The following PIBF1 variants were observed in gnomAD, a reference collection of about 807,000 sequenced individuals.
The protein encoded by PIBF1 is progesterone-induced-blocking factor 1.
In PIBF1, 90 loss-of-function variants were observed where a neutral mutation model predicts 112.5. That is an observed-to-expected ratio of 0.80 (90% CI 0.67 to 0.95). The LOEUF (loss-of-function observed/expected upper bound fraction) is 0.95, where lower values mean the gene tolerates loss of function less well. Among genes scored for constraint, PIBF1 ranks in the 40% least tolerant of loss-of-function variants. The pLI, the probability that PIBF1 is intolerant of heterozygous loss-of-function variation, is 0.00. For missense variants in PIBF1, 915 were observed against 852.3 expected (o/e 1.07, Z -0.92); for synonymous variants, 301 against 288.6 (o/e 1.04, Z -0.44).
intron 9 of PIBF1, among the ~76,000 whole-genome samples, chr13:72,835,569 G>A (rs1474986360): frequency 7.0e-6 from 1 of 143,492 alleles, no homozygotes; most frequent in African/African-American, 2.6e-5. Flanking sequence ...TAACCTTTTT[G>A]CTCTGTTATT....
intron 14 of PIBF1, among the ~76,000 whole-genome samples, chr13:72,941,861 C>T (rs1408539715): frequency 3.3e-5 from 5 of 151,642 alleles, no homozygotes; most frequent in African/African-American, 1.2e-4. Context: ...GTGCATGTAC[C>T]CAGCATATAC....
At chr13:72,928,713 T>A (rs1257388989) in intron 13 of PIBF1, among the ~76,000 whole-genome samples, 1 of 152,240 alleles carries the variant, frequency 6.6e-6, no homozygotes, top group Non-Finnish European at 1.5e-5. Flanking sequence ...GTGCTGGGAT[T>A]ATAGGCGTGA....
At chr13:72,830,416 C>T (rs1480764209) in intron 8 of PIBF1, among the ~76,000 whole-genome samples, 1 of 152,102 alleles carries the variant, frequency 6.6e-6, no homozygotes, top group Non-Finnish European at 1.5e-5. Context: ...GTGGGTTTGT[C>T]ATAACTAGCT....
intron 10 of PIBF1, among the ~76,000 whole-genome samples, chr13:72,873,074 T>G (rs2039233643): frequency 6.6e-6 from 1 of 152,190 alleles, no homozygotes; most frequent in Admixed American, 6.5e-5. Flanking sequence ...CAGACTTTTT[T>G]TGTAGTCTAA....
chr13:72,877,080 T>C (rs1012014335), intron 10 of PIBF1, among the ~76,000 whole-genome samples: 1 of 152,184 alleles, frequency 6.6e-6, no homozygotes, highest in African/African-American at 2.4e-5. Flanking sequence ...TAAGAGTTTG[T>C]ATCATCAGTA....
chr13:72,952,052 T>G (rs2042314067), intron 14 of PIBF1, among the ~76,000 whole-genome samples: 7 of 119,958 alleles, frequency 5.8e-5, no homozygotes, highest in Admixed American at 9.7e-5. Flanking sequence ...TTTTTTTTTT[T>G]GAGATGGAGT....
At chr13:72,954,221 A>G (rs1027955800) in intron 14 of PIBF1, among the ~76,000 whole-genome samples, 15 of 152,220 alleles carry the variant, frequency 9.9e-5, no homozygotes, top group African/African-American at 2.6e-4. Context: ...AACAGCAACT[A>G]GCTGTGTTCC....
intron 9 of PIBF1, among the ~76,000 whole-genome samples, chr13:72,839,389 A>G (rs1046838030): frequency 1.3e-5 from 2 of 152,226 alleles, no homozygotes; most frequent in South Asian, 2.1e-4. Context: ...GAAAATACAA[A>G]GCTTTAATAG....
intron 11 of PIBF1, among the ~76,000 whole-genome samples, chr13:72,899,840 G>T (rs146963369): frequency 6.6e-6 from 1 of 152,022 alleles, no homozygotes; most frequent in East Asian, 1.9e-4. Flanking sequence ...CCATATGATC[G>T]TTTACCTTGA....
intron 10 of PIBF1, among the ~76,000 whole-genome samples, chr13:72,893,176 T>C (rs2040128196): frequency 6.6e-6 from 1 of 152,164 alleles, no homozygotes; most frequent in Non-Finnish European, 1.5e-5. Context: ...GATTTATATG[T>C]TAAGTGGAAA....
chr13:72,939,251 T>C (rs1181230915), intron 14 of PIBF1, among the ~76,000 whole-genome samples: 2 of 152,188 alleles, frequency 1.3e-5, no homozygotes, highest in Non-Finnish European at 2.9e-5. Flanking sequence ...TCACATGACA[T>C]AAGATTAACC....
chr13:72,991,138 A>G (rs2043465759), intron 16 of PIBF1, among the ~76,000 whole-genome samples: 1 of 152,180 alleles, frequency 6.6e-6, no homozygotes, highest in African/African-American at 2.4e-5. Flanking sequence ...TCAACTATGC[A>G]ATACTGTTAA....
intron 13 of PIBF1, among the ~76,000 whole-genome samples, chr13:72,917,438 G>A (rs964284705): frequency 6.6e-6 from 1 of 151,760 alleles, no homozygotes; most frequent in Non-Finnish European, 1.5e-5. Flanking sequence ...TTTCAGATGA[G>A]CTACAAATGC....
intron 10 of PIBF1, among the ~76,000 whole-genome samples, chr13:72,858,023 T>TTGCTTTTTGTGTGTGTGTGTGTGTG (rs71099760): frequency 2.1e-4 from 29 of 141,312 alleles, no homozygotes; most frequent in Admixed American, 4.3e-4. Flanking sequence ...CAAATGTACA[T>TTGCTTTTTGTGTGTGTGTGTGTGTG]TGTGTGTGTG....
chr13:72,980,065 A>C (rs1444480498), intron 16 of PIBF1, among the ~76,000 whole-genome samples: 1 of 152,216 alleles, frequency 6.6e-6, no homozygotes, highest in Non-Finnish European at 1.5e-5. Context: ...CAAAGAACCT[A>C]GAAGAAAGAG....
chr13:72,801,626 C>T (rs911631562), intron 5 of PIBF1, among the ~76,000 whole-genome samples: 2 of 151,724 alleles, frequency 1.3e-5, no homozygotes, highest in Non-Finnish European at 2.9e-5. Flanking sequence ...TTAGCCTCCT[C>T]CTGGCTATTC....
intron 10 of PIBF1, among the ~76,000 whole-genome samples, chr13:72,875,497 A>G (rs1310742650): frequency 6.6e-6 from 1 of 152,152 alleles, no homozygotes; most frequent in Non-Finnish European, 1.5e-5. Flanking sequence ...GGGGAAAAAA[A>G]AAAGAAGAAA....
intron 7 of PIBF1, 46 bp downstream of exon 7, chr13:72,827,164 G>A (rs2036851255): frequency 1.1e-6 from 1 of 883,586 alleles, no homozygotes; most frequent in East Asian, 3.3e-5. Flanking sequence ...CATAGTATTA[G>A]TGAAAAAAAT....
chr13:72,869,994 TTATAA>T (rs2039095281), intron 10 of PIBF1, among the ~76,000 whole-genome samples: 1 of 152,194 alleles, frequency 6.6e-6, no homozygotes, highest in South Asian at 2.1e-4. Flanking sequence ...TTTGTAAAAA[TTATAA>T]TTTAATTGTA....
Sources: gnomAD v4.1 joint callset for allele counts (sites outside exome capture counted in the v4.1 genomes callset) on GRCh38, gnomAD v4.1.1 for gene constraint, MANE v1.5 for transcripts, NCBI Gene and HGNC (gene_info 2026-07-23, HGNC 2026-07-21) for gene names.